ANKRD30B: variants seen among roughly 807,000 people sequenced by gnomAD.
ANKRD30B encodes the protein ankyrin repeat domain-containing protein 30B.
ANKRD30B carries 144 observed loss-of-function variants against 202.2 expected under a neutral mutation model. That is an observed-to-expected ratio of 0.71 (90% CI 0.62 to 0.82). The LOEUF (loss-of-function observed/expected upper bound fraction) is 0.82. ANKRD30B is among the 40% of genes least tolerant of loss of function. The pLI is 0.00. For missense variants in ANKRD30B, 1,487 were observed against 1,669.1 expected (o/e 0.89, Z 1.90); for synonymous variants, 508 against 561.3 (o/e 0.91, Z 1.34).
At chr18:14,890,163 T>G in the ANKRD30B span, 1 of 685,644 alleles carries the variant, frequency 1.5e-6, no homozygotes, top group African/African-American at 1.9e-5. Context: ...TGGCCATTTG[T>G]TCTTATTTCT....
At chr18:14,791,225 A>C (rs1247240542) in intron 15 of ANKRD30B, among the ~76,000 whole-genome samples, 176 bp from the exon 16 acceptor site, 1 of 152,000 alleles carries the variant, frequency 6.6e-6, no homozygotes, top group Non-Finnish European at 1.5e-5. Flanking sequence ...TTTCTGTGGG[A>C]TTGATGGTGA....
the ANKRD30B span, among the ~76,000 whole-genome samples, chr18:14,880,597 C>G: frequency 7.4e-6 from 1 of 135,242 alleles, no homozygotes; most frequent in Non-Finnish European, 1.5e-5. Flanking sequence ...GGGAGTTTCG[C>G]TCTTGTCGCT....
At chr18:14,860,480 C>T in the ANKRD30B span, among the ~76,000 whole-genome samples, 2 of 141,198 alleles carry the variant, frequency 1.4e-5, no homozygotes, top group Admixed American at 1.5e-4. Context: ...GGCAGAGGCA[C>T]TCCTCACCTC....
In ANKRD30B at chr18:14,778,059, A is replaced by G. The variant is rs1193721856; in HGVS notation, c.1404A>G (p.Ile468Met). 1.0e-5 allele frequency: 16 copies of G among 1,544,394 alleles called. No individual in the cohort carries two copies. Among genetic ancestry groups the G allele is most frequent in the Non-Finnish European group, 1.4e-5 (16 of 1,141,520 alleles). The change falls in exon 10 of 44, where the codon ATA becomes ATG. Residue 468 changes from isoleucine (I) to methionine (M), a missense_variant. Around this residue, in one of 6 missense-constraint regions of ANKRD30B, gnomAD observed 889 missense variants for 841.4 expected, o/e 1.06. Transcript: ENST00000690538. Reference sequence around the variant, plus strand: ...CATATCAAAAAGATATCAAAACAATAAATCACAAAATAGAAGGTAAGAACC... The same window carrying G: ...CATATCAAAAAGATATCAAAACAATGAATCACAAAATAGAAGGTAAGAACC... ...DATYQKDIKTINHKIEDQMFP... is the reference protein window; with the variant it reads ...DATYQKDIKTMNHKIEDQMFP...
chr18:14,891,046 C>T, the ANKRD30B span, among the ~76,000 whole-genome samples: 3 of 152,090 alleles, frequency 2.0e-5, no homozygotes, highest in Non-Finnish European at 4.4e-5. Flanking sequence ...AAAATTTTAG[C>T]GTACTTTTAT....
intron 16 of ANKRD30B, among the ~76,000 whole-genome samples, chr18:14,794,577 C>T (rs2143951600): frequency 6.6e-6 from 1 of 152,242 alleles, no homozygotes. Context: ...GAGGTTTCTT[C>T]AGTGCTTCAG....
chr18:14,883,397 CTCTA>C, the ANKRD30B span: 15 of 52,382 alleles, frequency 2.9e-4, no homozygotes, highest in African/African-American at 1.3e-3. Flanking sequence ...CTCTCTCTCT[CTCTA>C]TATATATATA....
chr18:14,826,699 A>ATTT (rs1970682442), intron 32 of ANKRD30B, among the ~76,000 whole-genome samples: 5 of 143,404 alleles, frequency 3.5e-5, no homozygotes, highest in Non-Finnish European at 7.5e-5. Context: ...TCTCTCACAC[A>ATTT]CACACACACA....
intron 32 of ANKRD30B, chr18:14,825,117 A>T (rs1319632284): frequency 6.6e-6 from 1 of 152,144 alleles, no homozygotes; most frequent in Non-Finnish European, 1.5e-5. Flanking sequence ...TTTCCCCCGA[A>T]CCTGGAAATC....
At chr18:14,755,717 T>C (rs977414722) in intron 4 of ANKRD30B, among the ~76,000 whole-genome samples, 6 of 152,208 alleles carry the variant, frequency 3.9e-5, no homozygotes, top group Non-Finnish European at 5.9e-5. Context: ...TCCATGTTCC[T>C]ACAAAGGACA....
At chr18:14,832,009 A>T (rs1970969239) in intron 34 of ANKRD30B, among the ~76,000 whole-genome samples, 1 of 152,064 alleles carries the variant, frequency 6.6e-6, no homozygotes, top group Admixed American at 6.6e-5. Flanking sequence ...TTTTTAGGAG[A>T]GAGCTTTTTA....
chr18:14,808,664 C>T lies in ANKRD30B; in HGVS notation c.2314-8C>T. 6.5e-7 allele frequency: 1 copy of T among 1,539,634 alleles called. No homozygotes were observed. The highest frequency in any genetic ancestry group is 2.5e-5 in the East Asian group (1 of 40,792). On this transcript the variant is annotated splice_region_variant and splice_polypyrimidine_tract_variant and intron_variant, in intron 25 of 43. Transcript: ENST00000690538. ...TATATTAATTTTTGTGTTTCCAAAC[C>T]CATTTAGCCTACCTGTGGAAGGAAA...
At chr18:14,856,139 C>T (rs1412030562), downstream of ANKRD30B, among the ~76,000 whole-genome samples, 3 of 145,542 alleles carry the variant, frequency 2.1e-5, no homozygotes, top group African/African-American at 5.1e-5. Context: ...AGAGGTGCTC[C>T]TCACTTCCCA....
chr18:14,888,204 T>G, the ANKRD30B span, among the ~76,000 whole-genome samples: 1 of 152,054 alleles, frequency 6.6e-6, no homozygotes, highest in Non-Finnish European at 1.5e-5. Flanking sequence ...AGATTATAAT[T>G]TTTCACTAGA....
the ANKRD30B span, among the ~76,000 whole-genome samples, chr18:14,891,304 G>A: frequency 6.8e-6 from 1 of 147,744 alleles, no homozygotes; most frequent in Non-Finnish European, 1.5e-5. Flanking sequence ...TTCTATTCAT[G>A]TCATTGGGAT....
intron 30 of ANKRD30B, among the ~76,000 whole-genome samples, chr18:14,821,712 G>A (rs1456348022): frequency 1.3e-5 from 2 of 152,148 alleles, no homozygotes; most frequent in African/African-American, 4.8e-5. Context: ...CCCTCTTCAG[G>A]CTTCCAAGGT....
At chr18:14,788,574 G>A (rs1422244259) in intron 15 of ANKRD30B, among the ~76,000 whole-genome samples, 5 of 151,666 alleles carry the variant, frequency 3.3e-5, no homozygotes, top group Admixed American at 2.0e-4. Context: ...TCCCCAGAGT[G>A]TGATGTTCCC....
At chr18:14,859,062 G>C (rs1972142451), downstream of ANKRD30B, among the ~76,000 whole-genome samples, 1 of 129,770 alleles carries the variant, frequency 7.7e-6, no homozygotes, top group South Asian at 2.3e-4. Context: ...CTCCCACATG[G>C]GGTGGCCGGG....
the ANKRD30B span, among the ~76,000 whole-genome samples, chr18:14,939,744 A>T: frequency 1.3e-5 from 2 of 152,346 alleles, no homozygotes; most frequent in South Asian, 4.1e-4. Context: ...ATCAAAATAA[A>T]TATAATAAAG....
Sources: gnomAD v4.1 joint callset for allele counts (sites outside exome capture counted in the v4.1 genomes callset) on GRCh38, gnomAD v4.1.1 for gene constraint, gnomAD v4.1.1 regional missense constraint, MANE v1.5 for transcripts, NCBI Gene and HGNC (gene_info 2026-07-23, HGNC 2026-07-21) for gene names.